The following AGTPBP1 variants were observed in gnomAD, a reference collection of about 807,000 sequenced individuals.
AGTPBP1 encodes cytosolic carboxypeptidase 1.
A neutral mutation model predicts 143.9 loss-of-function variants in AGTPBP1; 70 were observed. The observed-to-expected ratio is 0.49, with a 90% CI of 0.40 to 0.59. The LOEUF (loss-of-function observed/expected upper bound fraction) is 0.59. Ranked by LOEUF, AGTPBP1 falls within the 20% of genes least tolerant of loss-of-function variation. The pLI is 0.00. For synonymous variants in AGTPBP1, 463 were observed against 500.2 expected (o/e 0.93, Z 0.99); for missense variants, 1,229 against 1,464.5 (o/e 0.84, Z 2.62).
chr9:85,695,554 T>C (rs888319968), intron 2 of AGTPBP1, among the ~76,000 whole-genome samples: 4 of 152,216 alleles, frequency 2.6e-5, no homozygotes, highest in African/African-American at 9.6e-5. Context: ...GACACCAAAC[T>C]GTTCTAATAG....
intron 25 of AGTPBP1, among the ~76,000 whole-genome samples, chr9:85,572,707 A>G (rs1324814282): frequency 6.6e-6 from 1 of 152,212 alleles, no homozygotes; most frequent in Non-Finnish European, 1.5e-5. Context: ...TGTTGACTAC[A>G]TGTTAAGAAT....
At chr9:85,761,896 A>G in the AGTPBP1 span, among the ~76,000 whole-genome samples, 1 of 152,270 alleles carries the variant, frequency 6.6e-6, no homozygotes, top group African/African-American at 2.4e-5. Context: ...GCTAATATCC[A>G]GAATCTACAA....
the AGTPBP1 span, among the ~76,000 whole-genome samples, chr9:85,782,862 A>T: frequency 4.7e-4 from 71 of 152,360 alleles, no homozygotes; most frequent in African/African-American, 1.6e-3. Context: ...TACTTGAAAT[A>T]CTGCCTGCTA....
chr9:85,740,862 G>C (rs1414931172), intron 1 of AGTPBP1, among the ~76,000 whole-genome samples: 4 of 152,198 alleles, frequency 2.6e-5, no homozygotes, highest in Non-Finnish European at 4.4e-5. Context: ...TCAGGCACTT[G>C]AGTAAGCTAT....
At chr9:85,650,105 T>C (rs1013718942) in intron 11 of AGTPBP1, among the ~76,000 whole-genome samples, 16 of 151,152 alleles carry the variant, frequency 1.1e-4, no homozygotes, top group African/African-American at 3.9e-4. Flanking sequence ...TCTTGAAAGT[T>C]TGGGAGAACT....
chr9:85,700,587 T>A (rs986874927), intron 2 of AGTPBP1, among the ~76,000 whole-genome samples: 1 of 152,206 alleles, frequency 6.6e-6, no homozygotes, highest in African/African-American at 2.4e-5. Flanking sequence ...ACACTAGGCA[T>A]AGCCATGTAT....
chr9:85,557,173 T>G (rs188968679), intron 25 of AGTPBP1, among the ~76,000 whole-genome samples: 3 of 152,198 alleles, frequency 2.0e-5, no homozygotes, highest in African/African-American at 7.2e-5. Flanking sequence ...ATTCCTTACA[T>G]AGCTAAGTCT....
intron 1 of AGTPBP1, among the ~76,000 whole-genome samples, chr9:85,734,175 C>T (rs1839077568): frequency 6.6e-6 from 1 of 152,126 alleles, no homozygotes; most frequent in African/African-American, 2.4e-5. Context: ...ATCGCTTGAA[C>T]CCAGGAGGCA....
chr9:85,578,853 C>T (rs1398885722), intron 24 of AGTPBP1, 67 bp downstream of exon 24: 1 of 1,501,026 alleles, frequency 6.7e-7, no homozygotes, highest in Non-Finnish European at 9.1e-7. Context: ...ACTTAAAAAC[C>T]ACAAGATATA....
chr9:85,555,395 C>G (rs1384316275), intron 25 of AGTPBP1, among the ~76,000 whole-genome samples: 1 of 152,028 alleles, frequency 6.6e-6, no homozygotes, highest in Non-Finnish European at 1.5e-5. Flanking sequence ...GTCAGGAAAT[C>G]GAGACCATCC....
chr9:85,625,904 G>GTTTTTTTTT (rs368474275), intron 14 of AGTPBP1, among the ~76,000 whole-genome samples: 2 of 105,732 alleles, frequency 1.9e-5, no homozygotes, highest in African/African-American at 3.7e-5. Context: ...ACCTAGTTTT[G>GTTTTTTTTT]TTTTTTTTTT....
intron 14 of AGTPBP1, among the ~76,000 whole-genome samples, chr9:85,622,491 C>T (rs1216639220): frequency 1.3e-5 from 2 of 151,548 alleles, no homozygotes; most frequent in Non-Finnish European, 2.9e-5. Flanking sequence ...AGGAAAATAT[C>T]AGAAGGTATG....
chr9:85,742,201 C>A (rs1824389368), upstream of AGTPBP1, among the ~76,000 whole-genome samples: 1 of 152,048 alleles, frequency 6.6e-6, no homozygotes, highest in Non-Finnish European at 1.5e-5. Context: ...GAATTAGGGG[C>A]GGGTGTTCCG....
intron 1 of AGTPBP1, among the ~76,000 whole-genome samples, chr9:85,731,938 A>T (rs1838910019): frequency 6.6e-6 from 1 of 152,206 alleles, no homozygotes; most frequent in Non-Finnish European, 1.5e-5. Context: ...TCCACAAAAA[A>T]TGTTCAGATA....
the AGTPBP1 span, among the ~76,000 whole-genome samples, chr9:85,772,669 C>T: frequency 6.6e-6 from 1 of 152,052 alleles, no homozygotes; most frequent in Non-Finnish European, 1.5e-5. Context: ...GGGAGGATCA[C>T]TTGATCTCAG....
chr9:85,743,163 A>G (rs1824483453), upstream of AGTPBP1, among the ~76,000 whole-genome samples: 1 of 152,234 alleles, frequency 6.6e-6, no homozygotes, highest in African/African-American at 2.4e-5. Flanking sequence ...ATCTGAAAAT[A>G]CCCAATAATA....
chr9:85,568,617 C>T (rs1444418324), intron 25 of AGTPBP1, among the ~76,000 whole-genome samples: 1 of 151,992 alleles, frequency 6.6e-6, no homozygotes, highest in African/African-American at 2.4e-5. Flanking sequence ...CTGGAGGATA[C>T]CAGAAGTAAA....
chr9:85,708,842 T>G (rs764889490), intron 2 of AGTPBP1, among the ~76,000 whole-genome samples: 11 of 152,152 alleles, frequency 7.2e-5, no homozygotes, highest in Non-Finnish European at 1.3e-4. Context: ...GGCCAAGAAT[T>G]TATACTTTAA....
At chr9:85,777,948 C>T in the AGTPBP1 span, among the ~76,000 whole-genome samples, 1 of 152,206 alleles carries the variant, frequency 6.6e-6, no homozygotes, top group African/African-American at 2.4e-5. Flanking sequence ...CGCAGCTGTC[C>T]ACTTTCAGGT....
Sources: gnomAD v4.1 joint callset for allele counts (sites outside exome capture counted in the v4.1 genomes callset) on GRCh38, gnomAD v4.1.1 for gene constraint, MANE v1.5 for transcripts, NCBI Gene and HGNC (gene_info 2026-07-23, HGNC 2026-07-21) for gene names.